ZNF536: variants seen among roughly 807,000 people sequenced by gnomAD.
ZNF536 encodes zinc finger protein 536.
ZNF536 carries 13 observed loss-of-function variants against 84.5 expected under a neutral mutation model. The ratio of observed to expected loss-of-function variants is 0.15; its 90% CI spans 0.10 to 0.24. ZNF536 has a LOEUF of 0.24. Among genes scored for constraint, ZNF536 ranks in the 10% least tolerant of loss-of-function variants. The pLI, the probability that ZNF536 is intolerant of heterozygous loss-of-function variation, is 1.00. For synonymous variants in ZNF536, 811 were observed against 742.5 expected (o/e 1.09, Z -1.50); for missense variants, 1,536 against 1,747.5 (o/e 0.88, Z 2.16).
intron 2 of ZNF536, among the ~76,000 whole-genome samples, chr19:30,497,618 T>C (rs533265949): frequency 2.0e-5 from 3 of 152,240 alleles, no homozygotes; most frequent in Non-Finnish European, 4.4e-5. Flanking sequence ...CCCACCTGAG[T>C]GGCCCAAAAG....
chr19:30,657,223 C>T (rs1343626876), intron 1 of ZNF536, among the ~76,000 whole-genome samples: 1 of 152,138 alleles, frequency 6.6e-6, no homozygotes, highest in Non-Finnish European at 1.5e-5. Flanking sequence ...GGAGAGGGTG[C>T]TATGTGGGTT....
intron 1 of ZNF536, among the ~76,000 whole-genome samples, chr19:30,420,230 G>A (rs970933802): frequency 1.3e-5 from 2 of 152,200 alleles, no homozygotes; most frequent in South Asian, 2.1e-4. Context: ...AGCCATTTAT[G>A]TTTGAGACCA....
intron 2 of ZNF536, among the ~76,000 whole-genome samples, chr19:30,460,962 C>A (rs183705956): frequency 1.3e-5 from 2 of 152,146 alleles, no homozygotes; most frequent in African/African-American, 4.8e-5. Context: ...AAGATGCCTG[C>A]CCCCCAAACC....
At chr19:30,458,919 G>A (rs1274936179) in intron 2 of ZNF536, among the ~76,000 whole-genome samples, 2 of 152,198 alleles carry the variant, frequency 1.3e-5, no homozygotes, top group South Asian at 4.1e-4. Context: ...AGCTGGAGGG[G>A]CACTGCCAGG....
chr19:30,423,659 T>A (rs1000456246), intron 1 of ZNF536, among the ~76,000 whole-genome samples: 11 of 152,320 alleles, frequency 7.2e-5, no homozygotes, highest in Admixed American at 3.3e-4. Flanking sequence ...TGGAGTGAGA[T>A]AACAGGCTCT....
At chr19:30,537,810 A>G (rs1210748558) in intron 3 of ZNF536, among the ~76,000 whole-genome samples, 1 of 152,190 alleles carries the variant, frequency 6.6e-6, no homozygotes, top group Non-Finnish European at 1.5e-5. Context: ...CATTCTGGAA[A>G]CTTCCTAGAA....
intron 2 of ZNF536, among the ~76,000 whole-genome samples, chr19:30,329,412 G>A (rs186225760): frequency 1.6e-4 from 24 of 152,142 alleles, no homozygotes; most frequent in African/African-American, 5.5e-4. Flanking sequence ...ATGGGAGGTG[G>A]GGAGGAATCT....
chr19:30,469,653 G>A (rs2053554199), intron 2 of ZNF536, among the ~76,000 whole-genome samples: 1 of 152,188 alleles, frequency 6.6e-6, no homozygotes. Flanking sequence ...CCATGCACAG[G>A]TGTACCCATT....
At chr19:30,505,468 A>G (rs2055136864) in intron 2 of ZNF536, among the ~76,000 whole-genome samples, 1 of 148,582 alleles carries the variant, frequency 6.7e-6, no homozygotes, top group South Asian at 2.1e-4. Context: ...TGTATCATCA[A>G]TAATCTATAT....
chr19:30,445,351 A>G lies in ZNF536; in HGVS notation c.1789A>G (p.Lys597Glu), dbSNP rs779003416. ...KVGSQRDLPSKLDPLESSRDF... is the reference protein window; with the variant it reads ...KVGSQRDLPSELDPLESSRDF... ...GGGCAGCCAGAGAGACCTGCCAAGTAAGCTCGACCCTTTAGAAAGCAGTCG... is the reference window on the plus strand; with the variant it reads ...GGGCAGCCAGAGAGACCTGCCAAGTGAGCTCGACCCTTTAGAAAGCAGTCG... Residue 597 changes from lysine to glutamate, a missense_variant, in exon 2 of 5, where the codon AAG (lysine) becomes GAG (glutamate). Physicochemically the swap from Lys to Glu is moderately conservative, Grantham distance 56. Transcript: ENST00000355537. The surrounding 1 kb of genome is among the most constrained non-coding windows in gnomAD (Gnocchi z 4.5). The G allele has an allele frequency of 1.1e-4, 185 of 1,614,048 alleles. No homozygotes were observed. Among genetic ancestry groups the G allele is most frequent in the Non-Finnish European group, 1.4e-4 (171 of 1,180,034 alleles).
chr19:30,676,795 C>T (rs1221701234), intron 1 of ZNF536, among the ~76,000 whole-genome samples: 1 of 152,146 alleles, frequency 6.6e-6, no homozygotes, highest in Non-Finnish European at 1.5e-5. Context: ...TGAGGAACTT[C>T]TTGCAGGGAA....
intron 2 of ZNF536, among the ~76,000 whole-genome samples, chr19:30,454,496 G>A (rs1053818647): frequency 6.6e-6 from 1 of 152,206 alleles, no homozygotes; most frequent in Admixed American, 6.5e-5. Flanking sequence ...ACAGATACAT[G>A]CTTCTCTTTA....
chr19:30,277,290 C>T (rs1343825809), intron 1 of ZNF536, among the ~76,000 whole-genome samples: 1 of 152,040 alleles, frequency 6.6e-6, no homozygotes, highest in Non-Finnish European at 1.5e-5. Context: ...AGCATCTTGG[C>T]TTTTTTTCAT....
In ZNF536 at chr19:30,394,572, C is replaced by T. The variant is rs1323736144; in HGVS notation, c.-3+22016C>T. Reference sequence around the variant, plus strand: ...TTCAGCGTCCCTTCCCCATTCTATGCACCACCATGCCCTCCACACTGAGAG... The same window carrying T: ...TTCAGCGTCCCTTCCCCATTCTATGTACCACCATGCCCTCCACACTGAGAG... On this transcript the variant is annotated intron_variant, in intron 1 of 4. Coordinates refer to ENST00000355537, the MANE Select transcript of ZNF536 (RefSeq NM_014717.3). Among the ~76,000 whole-genome samples the T allele has an allele frequency of 5.9e-5, 9 of 152,314 alleles. No individual in the cohort carries two copies. In the East Asian group the frequency reaches 1.5e-3, roughly 26 times the overall value.
chr19:30,637,869 A>T (rs1278106642), intron 1 of ZNF536, among the ~76,000 whole-genome samples: 1 of 152,184 alleles, frequency 6.6e-6, no homozygotes, highest in Non-Finnish European at 1.5e-5. Context: ...AGGGTTAGAC[A>T]AAGGCAGCAA....
intron 2 of ZNF536, among the ~76,000 whole-genome samples, chr19:30,517,759 G>A (rs1026272328): frequency 6.6e-6 from 1 of 152,052 alleles, no homozygotes; most frequent in Non-Finnish European, 1.5e-5. Flanking sequence ...TCCAGCCTGG[G>A]CAACAGAGCA....
chr19:30,659,461 C>A (rs1005070920), intron 1 of ZNF536, among the ~76,000 whole-genome samples: 1 of 152,014 alleles, frequency 6.6e-6, no homozygotes, highest in Non-Finnish European at 1.5e-5. Context: ...CTGGGGATTA[C>A]AATTTGTATT....
At chr19:30,692,281 TATA>T (rs2051444128) in intron 1 of ZNF536, among the ~76,000 whole-genome samples, 1 of 152,232 alleles carries the variant, frequency 6.6e-6, no homozygotes, top group Non-Finnish European at 1.5e-5. Context: ...GATGAGCAGT[TATA>T]ATAATATATG....
At chr19:30,301,171 A>T (rs1324822524) in intron 2 of ZNF536, among the ~76,000 whole-genome samples, 1 of 152,026 alleles carries the variant, frequency 6.6e-6, no homozygotes, top group Non-Finnish European at 1.5e-5. Context: ...GGCTCTGGGG[A>T]CTGAGGCTCC....
Sources: allele counts gnomAD v4.1 joint callset (sites outside exome capture counted in the v4.1 genomes callset), GRCh38; gene constraint gnomAD v4.1.1; non-coding constraint Gnocchi (gnomAD v3.1); transcripts MANE v1.5; gene names NCBI Gene and HGNC (gene_info 2026-07-23, HGNC 2026-07-21).